DNAJC13: variants seen among roughly 807,000 people sequenced by gnomAD.
The protein encoded by DNAJC13 is dnaJ homolog subfamily C member 13.
DNAJC13 carries 75 observed loss-of-function variants against 290.5 expected under a neutral mutation model. The observed-to-expected ratio is 0.26, with a 90% CI of 0.21 to 0.31. The LOEUF (loss-of-function observed/expected upper bound fraction) is 0.31, where lower values mean the gene tolerates loss of function less well. Among genes scored for constraint, DNAJC13 ranks in the 10% least tolerant of loss-of-function variants. The pLI, the probability that DNAJC13 is intolerant of heterozygous loss-of-function variation, is 1.00. For synonymous variants in DNAJC13, 862 were observed against 892.0 expected (o/e 0.97, Z 0.60); for missense variants, 2,260 against 2,674.5 (o/e 0.85, Z 3.42).
At chr3:132,423,671 G>A (rs2107639165) in intron 1 of DNAJC13, among the ~76,000 whole-genome samples, 1 of 152,316 alleles carries the variant, frequency 6.6e-6, no homozygotes, top group African/African-American at 2.4e-5. Flanking sequence ...GGATATTTCA[G>A]AACTAAACTA....
chr3:132,536,416 A>G (rs534097900), intron 55 of DNAJC13, among the ~76,000 whole-genome samples: 1 of 152,180 alleles, frequency 6.6e-6, no homozygotes, highest in Non-Finnish European at 1.5e-5. Context: ...CAGAGGGGCA[A>G]AGGGAATAAA....
chr3:132,423,842 T>C (rs1939024090), intron 1 of DNAJC13, among the ~76,000 whole-genome samples: 1 of 152,174 alleles, frequency 6.6e-6, no homozygotes, highest in South Asian at 2.1e-4. Flanking sequence ...GGAAATTTAG[T>C]CCCGCATTAT....
At position 132,538,903 on chromosome 3, in the gene DNAJC13, G is replaced by A. The variant is rs6671; in HGVS notation, c.*621G>A. 41,039 of 152,464 alleles carry A rather than the reference G, an allele frequency of 0.27. 6,128 individuals carry two copies. Among genetic ancestry groups the A allele is most frequent in the African/African-American group, 0.4 (16,620 of 41,470 alleles). The allele number at this position is 152,464 out of a possible 1,614,324, so 9.4% of individuals were successfully genotyped here. A position where few individuals can be genotyped will look rare whatever the true frequency, so the allele number is the denominator to read the frequency against. The stretch of plus-strand genomic sequence containing the variant: ...TCAAGATGTTATGTAAAAGATGAGT[G>A]TAATTGTGAAATGTTCTATACACTA... On this transcript the variant is annotated 3_prime_UTR_variant, in exon 56 of 56. Transcript: ENST00000260818.
At position 132,523,177 on chromosome 3, in the gene DNAJC13, A is replaced by C. The variant is rs1417974052; in HGVS notation, c.5864A>C (p.Asp1955Ala). The change falls in exon 50 of 56, where the codon GAC becomes GCC. Residue 1955 changes from aspartate (D) to alanine (A), a missense_variant. Physicochemically the swap from Asp to Ala is moderately radical, Grantham distance 126 (BLOSUM62 -2). This residue lies in a region of DNAJC13 where 1,494 missense variants were observed against 1,693.7 expected (regional missense o/e 0.88). Coordinates refer to ENST00000260818, the MANE Select transcript of DNAJC13 (RefSeq NM_015268.4). ...CCAAGGCACTTTAAAAATCAGCAGG[A>C]CAACCCTGAGGCAAACTGGAAGGTA... ...MMLEHFKNQQDNPEANWKLPE... is the reference protein window; with the variant it reads ...MMLEHFKNQQANPEANWKLPE... 1.2e-6 allele frequency: 2 copies of C among 1,613,846 alleles called. No homozygotes were observed. Among genetic ancestry groups the C allele is most frequent in the Non-Finnish European group, 1.7e-6 (2 of 1,179,906 alleles).
At chr3:132,436,459 A>C (rs894666095) in intron 2 of DNAJC13, among the ~76,000 whole-genome samples, 14 of 152,354 alleles carry the variant, frequency 9.2e-5, no homozygotes, top group African/African-American at 3.4e-4. Flanking sequence ...CAACTGACAG[A>C]CATTTGTGTT....
At chr3:132,519,388 C>T (rs1349986967) in intron 48 of DNAJC13, among the ~76,000 whole-genome samples, 2 of 152,106 alleles carry the variant, frequency 1.3e-5, no homozygotes, top group Admixed American at 6.6e-5. Flanking sequence ...GCTTATTGGC[C>T]ATTTGTACAA....
chr3:132,514,473 C>T (rs752126547), intron 45 of DNAJC13, 98 bp from the exon 46 acceptor site: 2 of 717,508 alleles, frequency 2.8e-6, no homozygotes, highest in Non-Finnish European at 4.5e-6. Flanking sequence ...GTTTCATCCC[C>T]CAAACATTTG....
At chr3:132,449,590 G>A (rs1006240996) in intron 5 of DNAJC13, among the ~76,000 whole-genome samples, 4 of 152,216 alleles carry the variant, frequency 2.6e-5, no homozygotes, top group African/African-American at 9.6e-5. Flanking sequence ...GATCAGTAAT[G>A]TTGAGGAGAC....
At chr3:132,494,449 ATCC>A (rs1435268028) in intron 34 of DNAJC13, among the ~76,000 whole-genome samples, 190 bp downstream of exon 34, 1 of 152,214 alleles carries the variant, frequency 6.6e-6, no homozygotes, top group Non-Finnish European at 1.5e-5. Context: ...GCCAAATTGT[ATCC>A]TCCTCTTCTT....
chr3:132,501,778 T>A (rs1431618826), intron 39 of DNAJC13, among the ~76,000 whole-genome samples: 1 of 152,150 alleles, frequency 6.6e-6, no homozygotes, highest in African/African-American at 2.4e-5. Context: ...GTGAGAATTG[T>A]CTTGAATAAA....
Position 132,454,143 on chromosome 3 carries a change from T to C in DNAJC13, c.918T>C (p.Tyr306=), listed in dbSNP as rs762125039. The change falls in exon 9 of 56, where the codon TAT becomes TAC. Residue 306 remains tyrosine (Y), a synonymous_variant. Transcript: ENST00000260818. ...IEFIKGQVRK[Y]SSTERDSLLA... ...TTATAAAAGGGCAAGTACGGAAATA[T>C]TCTTCAACAGAGAGGTATTTTTTTT... 3.1e-6 allele frequency: 5 copies of C among 1,602,992 alleles called. No individual in the cohort carries two copies. Among genetic ancestry groups the C allele is most frequent in the South Asian group, 1.1e-5 (1 of 87,134 alleles).
intron 22 of DNAJC13, among the ~76,000 whole-genome samples, chr3:132,477,045 A>G (rs1934495656): frequency 6.6e-6 from 1 of 152,252 alleles, no homozygotes; most frequent in Non-Finnish European, 1.5e-5. Flanking sequence ...CTGCGTCTCC[A>G]GTGCCTGGAA....
chr3:132,493,367 C>T lies in DNAJC13; in HGVS notation c.3825+752C>T, dbSNP rs557504118. On this transcript the variant is annotated intron_variant, in intron 33 of 55. Coordinates refer to ENST00000260818, the MANE Select transcript of DNAJC13 (RefSeq NM_015268.4). ...TATACTGCAAGTCACTGCCTCTTTACAATGCAGTGACCAAAAAAAGGCAGG... is the reference window on the plus strand; with the variant it reads ...TATACTGCAAGTCACTGCCTCTTTATAATGCAGTGACCAAAAAAAGGCAGG... 5.3e-5 allele frequency among the ~76,000 whole-genome samples: 8 copies of T among 151,994 alleles called. No individual in the cohort carries two copies. In the South Asian group the frequency reaches 1.7e-3, roughly 32 times the overall value.
chr3:132,439,906 C>CAGGATATTGT (rs1414006293), intron 2 of DNAJC13, among the ~76,000 whole-genome samples: 2 of 152,152 alleles, frequency 1.3e-5, no homozygotes, highest in African/African-American at 4.8e-5. Flanking sequence ...GCAATACAAC[C>CAGGATATTGT]AGATGAACGA....
rs1267050216 is a variant in DNAJC13, at chr3:132,461,051, A to T, written c.1559A>T (p.Asp520Val). The change falls in exon 15 of 56, where the codon GAT (aspartate) becomes GTT (valine). Residue 520 changes from aspartate (D) to valine (V), a missense_variant and splice_region_variant. Transcript: ENST00000260818. The stretch of plus-strand genomic sequence containing the variant: ...AGAGAATCTGTTGCATTGTTTCAGG[A>T]TCATGGGACTGGTGCCCTAGTTATT... ...NLLEKFNSHV[D>V]HGTGALVISS... is the part of the protein sequence containing the mutation. 2.4e-5 allele frequency: 39 copies of T among 1,613,740 alleles called. No homozygotes were observed. In the East Asian group the frequency reaches 8.7e-4, roughly 36 times the overall value.
Position 132,514,611 on chromosome 3 carries a change from A to T in DNAJC13, c.5426A>T (p.Asn1809Ile). 1 of 1,612,194 alleles carries T rather than the reference A, an allele frequency of 6.2e-7. No homozygotes were observed. Among genetic ancestry groups the T allele is most frequent in the Non-Finnish European group, 8.5e-7 (1 of 1,179,064 alleles). ...ACATCTAACCAAGACTGTGTCAACA[A>T]TATTGCTGAATCAATGGTTTTGTCC... ...IVTSNQDCVN[N>I]IAESMVLSSL... Residue 1809 changes from asparagine to isoleucine, a missense_variant, in exon 46 of 56, where the codon AAT becomes ATT. By Grantham distance (149) the Asn-to-Ile change is moderately radical. Coordinates refer to ENST00000260818, the MANE Select transcript of DNAJC13 (RefSeq NM_015268.4).
intron 12 of DNAJC13, 34 bp from the exon 13 acceptor site, chr3:132,457,235 A>G (rs186781475): frequency 2.6e-4 from 378 of 1,451,246 alleles, no homozygotes; most frequent in Non-Finnish European, 3.0e-4. Flanking sequence ...ATGTTCTGGT[A>G]TTGCTAGTAT....
At chr3:132,418,324 C>T (rs1316874120) in intron 1 of DNAJC13, among the ~76,000 whole-genome samples, 1 of 152,216 alleles carries the variant, frequency 6.6e-6, no homozygotes, top group Non-Finnish European at 1.5e-5. Context: ...ATTCACGTGG[C>T]CTTTCCTCCG....
chr3:132,452,404 A>G (rs1364011756), intron 6 of DNAJC13, among the ~76,000 whole-genome samples: 2 of 152,328 alleles, frequency 1.3e-5, no homozygotes, highest in East Asian at 3.9e-4. Context: ...GCTGCTAGGA[A>G]TAAAACCAGG....
Sources: allele counts gnomAD v4.1 joint callset (sites outside exome capture counted in the v4.1 genomes callset), GRCh38; gene constraint gnomAD v4.1.1; regional missense constraint gnomAD v4.1.1; transcripts MANE v1.5; gene names NCBI Gene and HGNC (gene_info 2026-07-23, HGNC 2026-07-21).